Variants in HHIP observed in about 807,000 individuals in gnomAD.
HHIP encodes hedgehog-interacting protein.
Under a neutral mutation model 74.0 loss-of-function variants are expected in HHIP, and 12 were observed. The ratio of observed to expected loss-of-function variants is 0.16; its 90% confidence interval spans 0.10 to 0.26. The LOEUF is 0.26. Among genes scored for constraint, HHIP ranks in the 10% least tolerant of loss-of-function variants. HHIP has a pLI of 1.00. For synonymous variants in HHIP, 309 were observed against 311.6 expected, an observed-to-expected ratio of 0.99 and a Z score of 0.09; for missense variants, 788 against 845.0, an observed-to-expected ratio of 0.93 and a Z score of 0.84.
intron 11 of HHIP, among the ~76,000 whole-genome samples, chr4:144,731,096 G>T (rs1730942396): frequency 6.6e-6 from 1 of 152,134 alleles, no homozygotes; most frequent in Admixed American, 6.5e-5. Flanking sequence ...GCAATAGAGA[G>T]AAATACAGTA....
At chr4:144,670,707 G>GAAA (rs199920533) in intron 4 of HHIP, among the ~76,000 whole-genome samples, 1 of 30,306 alleles carries the variant, frequency 3.3e-5, no homozygotes, top group African/African-American at 7.7e-5. Flanking sequence ...ATTTCTTTAA[G>GAAA]AAAAAAAAAA....
Position 144,715,605 on chromosome 4 carries a change from G to C in HHIP, c.1678+175G>C. On this transcript the variant is annotated intron_variant, in intron 10 of 12. Coordinates refer to ENST00000296575, the MANE Select transcript of HHIP (RefSeq NM_022475.3). ...TAGTCCAGTTACATATTCTCTACCA[G>C]TAACTTTTCCCTGAGAGCCTTTATA... 8 of 437,190 alleles carry C rather than the reference G, an allele frequency of 1.8e-5. 1 individual carries two copies. In the East Asian group the frequency reaches 3.0e-4, roughly 16 times the overall value. 27.1% of individuals were successfully genotyped at this position (437,190 alleles called of 1,614,324 possible).
At chr4:144,675,653 T>C (rs1729151284) in intron 4 of HHIP, among the ~76,000 whole-genome samples, 1 of 152,142 alleles carries the variant, frequency 6.6e-6, no homozygotes. Flanking sequence ...TTGTACTATT[T>C]GATTAAAAAA....
chr4:144,672,000 A>G (rs1240533061), intron 4 of HHIP, among the ~76,000 whole-genome samples: 2 of 152,056 alleles, frequency 1.3e-5, no homozygotes, highest in East Asian at 3.9e-4. Flanking sequence ...ATAAATAAAT[A>G]AAAACAAATA....
Position 144,707,147 on chromosome 4 carries a change from C to A in HHIP, c.1044C>A (p.Leu348=), listed in dbSNP as rs755627392. The change falls in exon 6 of 13, where the codon CTC becomes CTA. Residue 348 remains leucine, a synonymous_variant. Coordinates refer to ENST00000296575, the MANE Select transcript of HHIP (RefSeq NM_022475.3). ...GAGTCTTTCTTGAAGTTGCAGAACT[C>A]CACAGAAAGCATCTGGGAGGACAAC... ...TARVFLEVAE[L]HRKHLGGQLL... 3 of 1,613,992 alleles carry A rather than the reference C, an allele frequency of 1.9e-6. No individual in the cohort carries two copies. In the South Asian group the frequency reaches 3.3e-5, roughly 18 times the overall value.
chr4:144,676,663 T>C (rs1030372462), intron 4 of HHIP, among the ~76,000 whole-genome samples: 1 of 152,074 alleles, frequency 6.6e-6, no homozygotes, highest in Non-Finnish European at 1.5e-5. Flanking sequence ...ACCTAGAATG[T>C]GGAAGGTAGT....
At chr4:144,651,424 A>C (rs1728425255) in intron 1 of HHIP, among the ~76,000 whole-genome samples, 1 of 151,992 alleles carries the variant, frequency 6.6e-6, no homozygotes, top group African/African-American at 2.4e-5. Context: ...TTTTGTGATG[A>C]CCTAGAATAT....
rs1354517307 is a variant in HHIP at position 144,739,879 on chromosome 4, A to G, written c.*1922A>G. Reference sequence around the variant, plus strand: ...GCCCAACAGTGTGACAAATCTTGCAATGAACCATGCAGTAGCCTGCATCTG... The same window carrying G: ...GCCCAACAGTGTGACAAATCTTGCAGTGAACCATGCAGTAGCCTGCATCTG... On this transcript the variant is annotated 3_prime_UTR_variant, in exon 13 of 13. Transcript: ENST00000296575. 6.6e-6 allele frequency: 1 copy of G among 152,182 alleles called. No individual in the cohort carries two copies. The highest frequency in any genetic ancestry group is 2.4e-5 in the African/African-American group (1 of 41,436). The allele number at this position is 152,182 out of a possible 1,614,324, so 9.4% of individuals were successfully genotyped here. A position where few individuals can be genotyped will look rare whatever the true frequency, so the allele number is the denominator to read the frequency against.
intron 4 of HHIP, among the ~76,000 whole-genome samples, chr4:144,684,366 C>T (rs1350640880): frequency 4.1e-5 from 6 of 145,492 alleles, no homozygotes; most frequent in African/African-American, 1.5e-4. Flanking sequence ...TCACGCCATT[C>T]TCCTGCCTCA....
intron 4 of HHIP, among the ~76,000 whole-genome samples, chr4:144,701,601 C>T (rs1407811726): frequency 1.3e-5 from 2 of 151,882 alleles, no homozygotes; most frequent in African/African-American, 2.4e-5. Flanking sequence ...ATTGTTTATC[C>T]CTAAGCACCA....
rs1156889253 is a variant in HHIP at position 144,742,785 on chromosome 4, CATAAATTGGTCATATATATATTTAT to C, written c.*4832_*4856del. The C allele has an allele frequency of 2.0e-4, 29 of 146,412 alleles. No homozygotes were observed. Among genetic ancestry groups the C allele is most frequent in the African/African-American group, 5.5e-4 (22 of 40,058 alleles). 9.1% of individuals were successfully genotyped at this position (146,412 alleles called of 1,614,324 possible). A position where few individuals can be genotyped will look rare whatever the true frequency, so the allele number is the denominator to read the frequency against. On this transcript the variant is annotated 3_prime_UTR_variant, in exon 13 of 13. Coordinates refer to ENST00000296575, the MANE Select transcript of HHIP (RefSeq NM_022475.3). ...TCTTATCCTCTTTTTGTCACACAAACATAAATTGGTCATATATATATTTATATATATGGTTATATATATTTGGTTA... is the reference window on the plus strand; with the variant it reads ...TCTTATCCTCTTTTTGTCACACAAACATATATGGTTATATATATTTGGTTA...
Position 144,742,862 on chromosome 4 carries a change from A to T in HHIP, c.*4905A>T, listed in dbSNP as rs1560728920. The T allele has an allele frequency of 7.2e-6, 1 of 139,142 alleles. No homozygotes were observed. The highest frequency in any genetic ancestry group is 1.5e-5 in the Non-Finnish European group (1 of 65,464). 8.6% of individuals were successfully genotyped at this position (139,142 alleles called of 1,614,324 possible). On this transcript the variant is annotated 3_prime_UTR_variant, in exon 13 of 13. Transcript: ENST00000296575. ...ATATATATCTTTATATATATATCTT[A>T]TATATATATCTTTTTATATATATCT...
rs1422658612 is a variant in HHIP, at chr4:144,646,434, G to A, written c.-242G>A. The A allele has an allele frequency of 6.7e-6, 3 of 449,480 alleles. No homozygotes were observed. The highest frequency in any genetic ancestry group is 5.9e-5 in the African/African-American group (3 of 50,830). The allele number at this position is 449,480 out of a possible 1,614,324, so 27.8% of individuals were successfully genotyped here. A position where few individuals can be genotyped will look rare whatever the true frequency, so the allele number is the denominator to read the frequency against. ...TGACACTGGCACAACTGCAAACGGTGTCATCCGCACAACTTTATCTCGCTC... is the reference window on the plus strand; with the variant it reads ...TGACACTGGCACAACTGCAAACGGTATCATCCGCACAACTTTATCTCGCTC... On this transcript the variant is annotated 5_prime_UTR_variant, in exon 1 of 13. Coordinates refer to ENST00000296575, the MANE Select transcript of HHIP (RefSeq NM_022475.3).
chr4:144,691,755 A>G (rs1729676705), intron 4 of HHIP, among the ~76,000 whole-genome samples: 2 of 152,140 alleles, frequency 1.3e-5, no homozygotes, highest in African/African-American at 4.8e-5. Flanking sequence ...AAAAGCTGCA[A>G]ATGAAAAGTC....
chr4:144,696,794 C>T (rs1907867), intron 4 of HHIP, among the ~76,000 whole-genome samples: 87,676 of 151,644 alleles, frequency 0.58, 25,420 homozygotes, highest in South Asian at 0.77. Context: ...GAAAATCACT[C>T]AGCACAGTCT....
chr4:144,696,576 A>G (rs150350035), intron 4 of HHIP, among the ~76,000 whole-genome samples: 12 of 151,926 alleles, frequency 7.9e-5, no homozygotes, highest in African/African-American at 2.2e-4. Flanking sequence ...TCATTTCTTC[A>G]TTTAGGAAGT....
At position 144,744,812 on chromosome 4, in the gene HHIP, T is replaced by G. The variant is rs1731341609; in HGVS notation, c.*6855T>G. 1 of 152,144 alleles carries G rather than the reference T, an allele frequency of 6.6e-6. No individual in the cohort carries two copies. Among genetic ancestry groups the G allele is most frequent in the South Asian group, 2.1e-4 (1 of 4,822 alleles). 9.4% of individuals were successfully genotyped at this position (152,144 alleles called of 1,614,324 possible). A position where few individuals can be genotyped will look rare whatever the true frequency, so the allele number is the denominator to read the frequency against. On this transcript the variant is annotated 3_prime_UTR_variant, in exon 13 of 13. Transcript: ENST00000296575. ...GTGGGCCCAATCGGCATCATAAGCA[T>G]GTCTGAAGCAAAAGACAATAATCAC...
At chr4:144,726,358 C>T (rs774020386) in intron 11 of HHIP, among the ~76,000 whole-genome samples, 6 of 152,026 alleles carry the variant, frequency 3.9e-5, no homozygotes, top group African/African-American at 7.2e-5. Flanking sequence ...ATTATATTTG[C>T]ATTATGTGCT....
At position 144,738,116 on chromosome 4, in the gene HHIP, T is replaced by TGTCA. The variant is rs879778761; in HGVS notation, c.*161_*164dup. On this transcript the variant is annotated 3_prime_UTR_variant, in exon 13 of 13. Transcript: ENST00000296575. ...GAAATGTGCAGATCCTCTGTGTGTA[T>TGTCA]GTCAGCATGTTTGTTCACATATGCA... 1.5e-5 allele frequency: 20 copies of TGTCA among 1,315,930 alleles called. No homozygotes were observed. The highest frequency in any genetic ancestry group is 3.0e-5 in the African/African-American group (2 of 67,066). The allele number at this position is 1,315,930 out of a possible 1,614,324, so 81.5% of individuals were successfully genotyped here.
Sources: gnomAD v4.1 joint callset for allele counts (sites outside exome capture counted in the v4.1 genomes callset) on GRCh38, gnomAD v4.1.1 for gene constraint, MANE v1.5 for transcripts, NCBI Gene and HGNC (gene_info 2026-07-23, HGNC 2026-07-21) for gene names.